Variants in CNTNAP2 observed in about 807,000 individuals in gnomAD.
CNTNAP2 encodes the protein contactin associated protein 2.
CNTNAP2 carries 98 observed loss-of-function variants against 155.2 expected under a neutral mutation model. The ratio of observed to expected loss-of-function variants is 0.63; its 90% confidence interval spans 0.54 to 0.75. CNTNAP2 has a LOEUF of 0.75. Ranked by LOEUF, CNTNAP2 falls within the 30% of genes least tolerant of loss-of-function variation. The pLI is 0.00. For missense variants in CNTNAP2, 1,727 were observed against 1,688.1 expected (o/e 1.02, Z -0.40); for synonymous variants, 651 against 631.2 (o/e 1.03, Z -0.47).
chr7:148,315,141 G>A (rs946473261), intron 21 of CNTNAP2, among the ~76,000 whole-genome samples: 3 of 152,212 alleles, frequency 2.0e-5, no homozygotes, highest in Admixed American at 6.5e-5. Flanking sequence ...ACAGACCAAA[G>A]AGCAGGAGGA....
intron 13 of CNTNAP2, among the ~76,000 whole-genome samples, chr7:147,893,267 CA>C (rs1488532279): frequency 1.3e-5 from 2 of 151,900 alleles, no homozygotes; most frequent in African/African-American, 4.8e-5. Flanking sequence ...TAGTAAAAGA[CA>C]GGAATTTTTG....
chr7:147,338,644 G>A (rs113380532), intron 9 of CNTNAP2, among the ~76,000 whole-genome samples: 2,572 of 151,948 alleles, frequency 0.017, 75 homozygotes, highest in African/African-American at 0.058. Flanking sequence ...AACTGAAAAC[G>A]TTACAGAGAA....
chr7:146,626,971 G>T (rs994940266), intron 1 of CNTNAP2, among the ~76,000 whole-genome samples: 1 of 151,950 alleles, frequency 6.6e-6, no homozygotes, highest in African/African-American at 2.4e-5. Context: ...TTCTGTATTA[G>T]CCCATTTTCA....
chr7:146,337,297 A>G (rs1159378573), intron 1 of CNTNAP2, among the ~76,000 whole-genome samples: 2 of 144,144 alleles, frequency 1.4e-5, no homozygotes, highest in Non-Finnish European at 2.9e-5. Flanking sequence ...AGGTTGTTCT[A>G]ACATAAAAAA....
chr7:147,037,542 A>G (rs1448825982), intron 3 of CNTNAP2, among the ~76,000 whole-genome samples: 1 of 147,462 alleles, frequency 6.8e-6, no homozygotes, highest in African/African-American at 2.5e-5. Context: ...GCTCACTGCA[A>G]CCTCCACCTC....
chr7:147,650,750 A>C (rs73166204), intron 13 of CNTNAP2, among the ~76,000 whole-genome samples: 117 of 152,152 alleles, frequency 7.7e-4, no homozygotes, highest in Non-Finnish European at 1.4e-3. Flanking sequence ...GTCAATTTTT[A>C]CTGCACAGGG....
chr7:146,210,750 CCA>C (rs1310916169), intron 1 of CNTNAP2, among the ~76,000 whole-genome samples: 1 of 152,122 alleles, frequency 6.6e-6, no homozygotes, highest in Non-Finnish European at 1.5e-5. Context: ...CTAATATTTA[CCA>C]GAGTACTTTG....
intron 14 of CNTNAP2, among the ~76,000 whole-genome samples, chr7:147,952,366 C>T (rs943566968): frequency 2.0e-5 from 3 of 149,536 alleles, no homozygotes; most frequent in Non-Finnish European, 4.4e-5. Context: ...CGCTTGAACC[C>T]AGGAGGCAGA....
intron 1 of CNTNAP2, among the ~76,000 whole-genome samples, chr7:146,472,741 T>A (rs1796818360): frequency 6.6e-6 from 1 of 152,006 alleles, no homozygotes; most frequent in African/African-American, 2.4e-5. Flanking sequence ...TTTCCTTTCT[T>A]AGCCACGTAG....
intron 1 of CNTNAP2, among the ~76,000 whole-genome samples, chr7:146,239,099 C>G (rs1351916256): frequency 6.6e-6 from 1 of 152,112 alleles, no homozygotes. Context: ...GTGTTTGGAA[C>G]AATTTAGATT....
chr7:146,904,229 A>G (rs1451690877), intron 3 of CNTNAP2, among the ~76,000 whole-genome samples: 1 of 151,894 alleles, frequency 6.6e-6, no homozygotes, highest in Non-Finnish European at 1.5e-5. Context: ...TAGCAAGCAC[A>G]CCTCTGCTCA....
intron 3 of CNTNAP2, among the ~76,000 whole-genome samples, chr7:146,919,189 C>T (rs1796450924): frequency 1.3e-5 from 2 of 152,066 alleles, no homozygotes; most frequent in South Asian, 4.1e-4. Context: ...TCTGGCAATT[C>T]AGAGATTTTG....
chr7:146,682,723 T>C (rs1046971379), intron 1 of CNTNAP2, among the ~76,000 whole-genome samples: 12 of 152,230 alleles, frequency 7.9e-5, no homozygotes, highest in African/African-American at 2.9e-4. Flanking sequence ...AAAAGATTTT[T>C]GGTCAACAGA....
At chr7:148,130,064 C>G (rs186080704) in intron 16 of CNTNAP2, among the ~76,000 whole-genome samples, 1 of 152,376 alleles carries the variant, frequency 6.6e-6, no homozygotes. Context: ...CACGATACCT[C>G]AAGCTCAACA....
chr7:146,970,838 T>G (rs13311702), intron 3 of CNTNAP2, among the ~76,000 whole-genome samples: 40,688 of 151,926 alleles, frequency 0.27, 5,942 homozygotes, highest in Non-Finnish European at 0.32. Context: ...TAGACTGGAT[T>G]AAGAAAATGT....
At chr7:147,146,982 T>C (rs998665496) in intron 8 of CNTNAP2, among the ~76,000 whole-genome samples, 1 of 152,180 alleles carries the variant, frequency 6.6e-6, no homozygotes, top group Non-Finnish European at 1.5e-5. Flanking sequence ...TGTGTATTAG[T>C]CCATTTTCAC....
chr7:147,130,138 G>A (rs950166495), intron 7 of CNTNAP2, among the ~76,000 whole-genome samples: 2 of 152,036 alleles, frequency 1.3e-5, no homozygotes, highest in Non-Finnish European at 2.9e-5. Flanking sequence ...GTATAGCCTG[G>A]TATAGTGGGT....
intron 9 of CNTNAP2, among the ~76,000 whole-genome samples, chr7:147,353,913 A>G (rs1047460210): frequency 6.6e-6 from 1 of 151,288 alleles, no homozygotes; most frequent in Non-Finnish European, 1.5e-5. Context: ...AGCTTTTTTC[A>G]TGTTTGTTGG....
At chr7:146,415,796 ATATT>A (rs2129112206) in intron 1 of CNTNAP2, among the ~76,000 whole-genome samples, 1 of 152,230 alleles carries the variant, frequency 6.6e-6, no homozygotes, top group East Asian at 1.9e-4. Flanking sequence ...ATTACAAGTG[ATATT>A]TATATATGTA....
Sources: gnomAD v4.1 joint callset for allele counts (sites outside exome capture counted in the v4.1 genomes callset) on GRCh38, gnomAD v4.1.1 for gene constraint, MANE v1.5 for transcripts, NCBI Gene and HGNC (gene_info 2026-07-23, HGNC 2026-07-21) for gene names.